PLSCR4: variants seen among roughly 807,000 people sequenced by gnomAD.
PLSCR4 encodes phospholipid scramblase 4, also known as Ca(2+)-dependent phospholipid scramblase 4.
In PLSCR4, 25 loss-of-function variants were observed where a neutral mutation model predicts 36.3. The ratio of observed to expected loss-of-function variants is 0.69; its 90% confidence interval spans 0.50 to 0.96. The LOEUF (loss-of-function observed/expected upper bound fraction) is 0.96, where lower values mean the gene tolerates loss of function less well. Ranked by LOEUF, PLSCR4 falls within the 40% of genes least tolerant of loss-of-function variation. The pLI, the probability that PLSCR4 is intolerant of heterozygous loss-of-function variation, is 0.00. For missense variants in PLSCR4, 408 were observed against 414.7 expected (o/e 0.98, Z 0.14); for synonymous variants, 122 against 132.9 (o/e 0.92, Z 0.56).
chr3:146,204,499 G>A lies in PLSCR4; in HGVS notation c.354+2027C>T, dbSNP rs2034214866. 3.3e-5 allele frequency among the ~76,000 whole-genome samples: 5 copies of A among 151,956 alleles called. No homozygotes were observed. The South Asian group carries it at 1.0e-3, about 32-fold the overall frequency. On this transcript the variant is annotated intron_variant, in intron 4 of 8. Transcript: ENST00000354952. ...AGATGATAAAATTCAAGCAGCAAGAGGTTAGAAATTTTATCAAAGTTTTTG... is the reference window on the plus strand; with the variant it reads ...AGATGATAAAATTCAAGCAGCAAGAAGTTAGAAATTTTATCAAAGTTTTTG...
chr3:146,198,220 G>A (rs1403509837), intron 6 of PLSCR4, among the ~76,000 whole-genome samples: 2 of 152,060 alleles, frequency 1.3e-5, no homozygotes, highest in African/African-American at 2.4e-5. Flanking sequence ...AGAGGACTTT[G>A]GTGATGATGG....
chr3:146,246,692 A>T (rs1454416496), intron 1 of PLSCR4, among the ~76,000 whole-genome samples: 2 of 152,148 alleles, frequency 1.3e-5, no homozygotes, highest in African/African-American at 4.8e-5. Context: ...AGAACGCCTC[A>T]TTGTGTCATT....
chr3:146,194,476 A>AT (rs1559894261), intron 8 of PLSCR4, 21 bp from the exon 9 acceptor site: 2 of 1,419,742 alleles, frequency 1.4e-6, no homozygotes, highest in Admixed American at 1.7e-5. Flanking sequence ...AAAAAGAATT[A>AT]TATGTAGATA....
At chr3:146,227,621 T>TA (rs1381907089) in intron 1 of PLSCR4, among the ~76,000 whole-genome samples, 2 of 152,148 alleles carry the variant, frequency 1.3e-5, no homozygotes, top group Non-Finnish European at 2.9e-5. Flanking sequence ...GATTAGCTCT[T>TA]AGAGTAGAGT....
chr3:146,235,242 C>T (rs11709096), intron 1 of PLSCR4, among the ~76,000 whole-genome samples: 116,280 of 151,956 alleles, frequency 0.77, 45,591 homozygotes, highest in Non-Finnish European at 0.86. Flanking sequence ...TGGGAGGTGA[C>T]TGGGTGATGG....
chr3:146,219,205 C>T (rs1413897124), intron 3 of PLSCR4, among the ~76,000 whole-genome samples: 1 of 152,286 alleles, frequency 6.6e-6, no homozygotes, highest in Non-Finnish European at 1.5e-5. Context: ...AAGGATGTAG[C>T]CTACTCTCTT....
At chr3:146,245,986 G>A (rs2107865986) in intron 1 of PLSCR4, among the ~76,000 whole-genome samples, 1 of 152,056 alleles carries the variant, frequency 6.6e-6, no homozygotes, top group African/African-American at 2.4e-5. Context: ...TAGTTCAGTG[G>A]GCTCAATATG....
intron 3 of PLSCR4, among the ~76,000 whole-genome samples, chr3:146,216,380 G>T (rs1391587133): frequency 6.6e-6 from 1 of 151,954 alleles, no homozygotes; most frequent in Non-Finnish European, 1.5e-5. Context: ...ACTGGGTCCT[G>T]GATACTACCC....
chr3:146,194,872 T>C (rs1396107543), intron 8 of PLSCR4, among the ~76,000 whole-genome samples: 1 of 152,184 alleles, frequency 6.6e-6, no homozygotes, highest in Non-Finnish European at 1.5e-5. Flanking sequence ...TAATGTTATC[T>C]AAGTACTCCC....
chr3:146,231,677 T>C (rs2035721193), intron 1 of PLSCR4, among the ~76,000 whole-genome samples: 1 of 152,162 alleles, frequency 6.6e-6, no homozygotes, highest in Non-Finnish European at 1.5e-5. Flanking sequence ...AAATGTCTAT[T>C]CATAACCTTT....
At chr3:146,235,358 T>C (rs1033686124) in intron 1 of PLSCR4, among the ~76,000 whole-genome samples, 8 of 152,094 alleles carry the variant, frequency 5.3e-5, no homozygotes, top group African/African-American at 1.9e-4. Context: ...CCATCTCTCT[T>C]TTCCACCTGC....
intron 6 of PLSCR4, among the ~76,000 whole-genome samples, chr3:146,199,505 A>G (rs1439940816): frequency 6.6e-6 from 1 of 152,150 alleles, no homozygotes; most frequent in Non-Finnish European, 1.5e-5. Context: ...AGGTACGTAC[A>G]TTTAGATAAA....
chr3:146,214,745 A>G (rs2034814908), intron 3 of PLSCR4, among the ~76,000 whole-genome samples: 1 of 152,130 alleles, frequency 6.6e-6, no homozygotes, highest in Non-Finnish European at 1.5e-5. Flanking sequence ...GTGTTCTATT[A>G]TGCTATTACG....
At chr3:146,233,560 T>A (rs1309900000) in intron 1 of PLSCR4, among the ~76,000 whole-genome samples, 1 of 152,174 alleles carries the variant, frequency 6.6e-6, no homozygotes, top group Non-Finnish European at 1.5e-5. Flanking sequence ...TGACTCCAAA[T>A]GACCTGCTAT....
At chr3:146,235,433 T>C (rs1013109268) in intron 1 of PLSCR4, among the ~76,000 whole-genome samples, 1 of 152,104 alleles carries the variant, frequency 6.6e-6, no homozygotes, top group Non-Finnish European at 1.5e-5. Context: ...TCCTGAGGCC[T>C]CCCCAGAAGA....
At chr3:146,222,732 G>C (rs778157834) in intron 1 of PLSCR4, among the ~76,000 whole-genome samples, 14 of 152,166 alleles carry the variant, frequency 9.2e-5, no homozygotes, top group Non-Finnish European at 1.8e-4. Flanking sequence ...TTTGGTATTT[G>C]CAACTGGGAA....
Position 146,201,054 on chromosome 3 carries a change from C to T in PLSCR4, c.378G>A (p.Gln126=), listed in dbSNP as rs2034022817. The change falls in exon 5 of 9, where the codon CAG becomes CAA. Residue 126 remains glutamine, a synonymous_variant. Coordinates refer to ENST00000354952, the MANE Select transcript of PLSCR4 (RefSeq NM_020353.3). The part of the protein sequence containing the change: ...LVQLDNIHVL[Q]HFEPLEMMTC... ...ACATACTTTCCAGAGGCTCAAAATG[C>T]TGAAGAACATGTATGTTGTCCAACT... is the stretch of plus-strand genomic sequence containing the variant. The T allele has an allele frequency of 3.9e-6, 6 of 1,556,328 alleles. No individual in the cohort carries two copies. The highest frequency in any genetic ancestry group is 4.3e-6 in the Non-Finnish European group (5 of 1,158,802).
intron 1 of PLSCR4, among the ~76,000 whole-genome samples, chr3:146,241,179 A>G (rs958448859): frequency 6.6e-6 from 1 of 152,194 alleles, no homozygotes; most frequent in Non-Finnish European, 1.5e-5. Flanking sequence ...CTTCAAGAAG[A>G]TGGGAAATGA....
intron 2 of PLSCR4, 92 bp downstream of exon 2, chr3:146,221,973 A>T: frequency 3.2e-6 from 2 of 626,276 alleles, no homozygotes; most frequent in African/African-American, 1.9e-5. Context: ...TTAAACAAAA[A>T]AAAATCGAAA....
Sources: allele counts gnomAD v4.1 joint callset (sites outside exome capture counted in the v4.1 genomes callset), GRCh38; gene constraint gnomAD v4.1.1; transcripts MANE v1.5; gene names NCBI Gene and HGNC (gene_info 2026-07-23, HGNC 2026-07-21).